The following EML1 variants were observed in gnomAD, a reference collection of about 807,000 sequenced individuals.
The protein encoded by EML1 is EMAP like 1, also known as echinoderm microtubule-associated protein-like 1.
EML1 carries 27 observed loss-of-function variants against 110.4 expected under a neutral mutation model. The ratio of observed to expected loss-of-function variants is 0.24; its 90% CI spans 0.18 to 0.34. The LOEUF (loss-of-function observed/expected upper bound fraction) is 0.34. EML1 is among the 10% of genes least tolerant of loss of function. EML1 has a pLI of 1.00. For missense variants in EML1, 741 were observed against 1,030.9 expected (o/e 0.72, Z 3.85); for synonymous variants, 344 against 385.8 (o/e 0.89, Z 1.27).
In EML1 at chr14:99,818,396, C is replaced by T. The variant is rs557140181; in HGVS notation, c.67+24853C>T. 2.2e-4 allele frequency among the ~76,000 whole-genome samples: 34 copies of T among 152,224 alleles called. No individual in the cohort carries two copies. In the South Asian group the frequency reaches 6.2e-3, roughly 28 times the overall value. ...TGGATATTTAGAAGATATTTAATGT[C>T]CTATATCTGCAGATATTCGAATAGG... On this transcript the variant is annotated intron_variant, in intron 1 of 21. Coordinates refer to ENST00000262233, the MANE Select transcript of EML1 (RefSeq NM_004434.3).
At chr14:99,861,663 G>A (rs2059005321) in intron 2 of EML1, among the ~76,000 whole-genome samples, 1 of 152,128 alleles carries the variant, frequency 6.6e-6, no homozygotes, top group South Asian at 2.1e-4. Context: ...TCTGTTTTTA[G>A]TAGAGACGAG....
intron 1 of EML1, among the ~76,000 whole-genome samples, chr14:99,799,666 G>T (rs762142307): frequency 6.6e-6 from 1 of 152,106 alleles, no homozygotes; most frequent in Non-Finnish European, 1.5e-5. Flanking sequence ...ACAAACCCAC[G>T]CATTTTGGTG....
intron 17 of EML1, among the ~76,000 whole-genome samples, chr14:99,923,986 T>C (rs563701892): frequency 3.5e-4 from 53 of 152,284 alleles, no homozygotes; most frequent in South Asian, 1.7e-3. Context: ...AAAAGCCTGT[T>C]AGGATTGTAA....
At chr14:99,797,686 G>A (rs2057800671) in intron 1 of EML1, among the ~76,000 whole-genome samples, 1 of 152,198 alleles carries the variant, frequency 6.6e-6, no homozygotes, top group Admixed American at 6.5e-5. Flanking sequence ...ATCAATCACA[G>A]CTCACCAAAA....
chr14:99,834,574 C>G (rs897260513), intron 1 of EML1, among the ~76,000 whole-genome samples: 1 of 152,110 alleles, frequency 6.6e-6, no homozygotes, highest in Non-Finnish European at 1.5e-5. Context: ...GCTGGGATTA[C>G]AAGTGTGAGG....
At chr14:99,870,554 T>C (rs909909224) in intron 3 of EML1, among the ~76,000 whole-genome samples, 2 of 152,202 alleles carry the variant, frequency 1.3e-5, no homozygotes, top group Non-Finnish European at 2.9e-5. Context: ...GAGAAGTCAA[T>C]ACCTGACTTC....
chr14:99,820,265 G>A (rs913287649), intron 1 of EML1, among the ~76,000 whole-genome samples: 2 of 152,136 alleles, frequency 1.3e-5, no homozygotes, highest in Non-Finnish European at 2.9e-5. Context: ...TATATTTTTC[G>A]TTTTGTGGTT....
intron 1 of EML1, among the ~76,000 whole-genome samples, chr14:99,821,076 G>A (rs1320179298): frequency 6.8e-6 from 1 of 147,570 alleles, no homozygotes; most frequent in Non-Finnish European, 1.5e-5. Flanking sequence ...AGGCTAGAGT[G>A]CAGTGACACG....
At chr14:99,776,905 C>T (rs1227097790) in intron 1 of EML1, among the ~76,000 whole-genome samples, 2 of 152,194 alleles carry the variant, frequency 1.3e-5, no homozygotes, top group Non-Finnish European at 2.9e-5. Context: ...TGAGCTTCAA[C>T]CACTGTTGTC....
intron 15 of EML1, chr14:99,915,283 A>G: frequency 6.3e-6 from 1 of 158,454 alleles, no homozygotes; most frequent in Non-Finnish European, 1.4e-5. Flanking sequence ...ATGGTGGTGC[A>G]TGCCTATACT....
chr14:99,898,602 A>C (rs531953469), intron 8 of EML1, among the ~76,000 whole-genome samples: 10 of 152,284 alleles, frequency 6.6e-5, no homozygotes, highest in Admixed American at 3.9e-4. Context: ...AAATACAAAA[A>C]TTAGCCAGGC....
chr14:99,790,255 T>C (rs2057648866), upstream of EML1, among the ~76,000 whole-genome samples: 1 of 152,208 alleles, frequency 6.6e-6, no homozygotes, highest in African/African-American at 2.4e-5. Context: ...TCCTTTCCCA[T>C]GTCTAAATTG....
chr14:99,850,361 AG>A, intron 1 of EML1: 1 of 1,289,014 alleles, frequency 7.8e-7, no homozygotes, highest in South Asian at 1.2e-5. Context: ...CATAATTGTA[AG>A]GGTAGCTTGC....
chr14:99,861,699 C>T (rs1234846341), intron 2 of EML1, among the ~76,000 whole-genome samples: 1 of 152,170 alleles, frequency 6.6e-6, no homozygotes, highest in East Asian at 1.9e-4. Flanking sequence ...CCAGGCTGGT[C>T]TCAAACTCCT....
intron 1 of EML1, among the ~76,000 whole-genome samples, chr14:99,832,751 A>T (rs1486529529): frequency 6.6e-6 from 1 of 152,152 alleles, no homozygotes; most frequent in African/African-American, 2.4e-5. Context: ...TGCTTCATAT[A>T]TTCTGGATAC....
intron 1 of EML1, chr14:99,839,195 C>T (rs138012020): frequency 2.0e-5 from 3 of 152,164 alleles, no homozygotes; most frequent in South Asian, 2.1e-4. Context: ...AACGTAGTAA[C>T]GGGCCTGAAG....
chr14:99,861,104 A>G (rs2139866754), intron 2 of EML1, among the ~76,000 whole-genome samples: 1 of 152,380 alleles, frequency 6.6e-6, no homozygotes, highest in Admixed American at 6.5e-5. Context: ...AAATGGCAAC[A>G]TAATGTCTGC....
chr14:99,877,677 G>T (rs183341298), intron 3 of EML1, among the ~76,000 whole-genome samples: 2 of 152,254 alleles, frequency 1.3e-5, no homozygotes, highest in Admixed American at 1.3e-4. Flanking sequence ...CGTTTCTGTC[G>T]TTACTCGTGA....
chr14:99,754,336 C>T (rs1472495862), intron 1 of EML1, among the ~76,000 whole-genome samples: 2 of 152,256 alleles, frequency 1.3e-5, no homozygotes, highest in African/African-American at 4.8e-5. Flanking sequence ...ATCTCCCAGC[C>T]TGGCATGCCA....
Sources: allele counts gnomAD v4.1 joint callset (sites outside exome capture counted in the v4.1 genomes callset), GRCh38; gene constraint gnomAD v4.1.1; transcripts MANE v1.5; gene names NCBI Gene and HGNC (gene_info 2026-07-23, HGNC 2026-07-21).